Variants in NLGN4X observed in about 807,000 individuals in gnomAD.
The protein encoded by NLGN4X is neuroligin 4 X-linked, also known as neuroligin-4, X-linked.
Under a neutral mutation model 40.3 loss-of-function variants are expected in NLGN4X, and 3 were observed. The observed-to-expected ratio is 0.07, with a 90% CI of 0.03 to 0.19. The LOEUF is 0.19. Ranked by LOEUF, NLGN4X falls within the 10% of genes least tolerant of loss-of-function variation. The pLI is 1.00. For missense variants in NLGN4X, 382 were observed against 708.3 expected (o/e 0.54, Z 5.23); for synonymous variants, 270 against 306.8 (o/e 0.88, Z 1.25).
chrX:5,923,772 C>T (rs765889993), intron 3 of NLGN4X, among the ~76,000 whole-genome samples: 5 of 111,717 alleles, frequency 4.5e-5, no homozygotes, highest in Non-Finnish European at 9.4e-5. Context: ...ATGTCAGCCA[C>T]CATGCCAGCC....
chrX:5,961,924 G>A (rs909548541), intron 3 of NLGN4X, among the ~76,000 whole-genome samples: 1 of 112,048 alleles, frequency 8.9e-6, no homozygotes, highest in Non-Finnish European at 1.9e-5. Flanking sequence ...GCATGTAAGA[G>A]GACATCTCTC....
chrX:6,171,828 T>C (rs112173252), intron 1 of NLGN4X, among the ~76,000 whole-genome samples: 509 of 111,553 alleles, frequency 4.6e-3, no homozygotes, highest in Non-Finnish European at 6.6e-3. Flanking sequence ...ATCCCCAGTG[T>C]TGGAGATGGG....
intron 1 of NLGN4X, among the ~76,000 whole-genome samples, chrX:6,188,865 A>G (rs1336392488): frequency 8.9e-6 from 1 of 112,532 alleles, no homozygotes; most frequent in Non-Finnish European, 1.9e-5. Context: ...GATTATCATG[A>G]AAATCCATTG....
chrX:6,212,153 G>A (rs1924663383), intron 1 of NLGN4X, among the ~76,000 whole-genome samples: 1 of 109,516 alleles, frequency 9.1e-6, no homozygotes, highest in Admixed American at 9.8e-5. Flanking sequence ...GGCTGAGACA[G>A]GAGAATGGCT....
At chrX:6,009,613 C>T (rs766037989) in intron 3 of NLGN4X, among the ~76,000 whole-genome samples, 14 of 112,144 alleles carry the variant, frequency 1.2e-4, no homozygotes, top group Admixed American at 3.8e-4. Flanking sequence ...GCTGACATTT[C>T]GGTGGGTGGG....
intron 2 of NLGN4X, among the ~76,000 whole-genome samples, chrX:6,104,044 C>T (rs181287530): frequency 2.7e-5 from 3 of 111,471 alleles, no homozygotes; most frequent in African/African-American, 9.8e-5. Flanking sequence ...TATGTGTGTG[C>T]ACATATAGGT....
intron 2 of NLGN4X, among the ~76,000 whole-genome samples, chrX:6,122,745 G>A (rs1459181813): frequency 3.7e-5 from 4 of 108,372 alleles, no homozygotes; most frequent in Non-Finnish European, 7.6e-5. Flanking sequence ...TCCCTCCAAT[G>A]GACAGAGAGA....
intron 3 of NLGN4X, among the ~76,000 whole-genome samples, chrX:5,917,836 C>A (rs1385902503): frequency 8.9e-6 from 1 of 112,145 alleles, no homozygotes; most frequent in Non-Finnish European, 1.9e-5. Flanking sequence ...TAAAATTATA[C>A]AGATGGTAAA....
intron 1 of NLGN4X, among the ~76,000 whole-genome samples, chrX:6,170,817 G>T (rs1458759189): frequency 9.0e-6 from 1 of 110,981 alleles, no homozygotes; most frequent in Admixed American, 9.6e-5. Context: ...CACTCTATTT[G>T]CCCCTTCTGC....
intron 3 of NLGN4X, among the ~76,000 whole-genome samples, chrX:5,971,018 G>A (rs901053949): frequency 2.7e-5 from 3 of 111,428 alleles, no homozygotes; most frequent in African/African-American, 9.8e-5. Flanking sequence ...AGAATCCGCT[G>A]TTCCCTGAGG....
intron 3 of NLGN4X, among the ~76,000 whole-genome samples, chrX:5,985,760 A>G (rs1437755178): frequency 1.8e-5 from 2 of 111,966 alleles, no homozygotes; most frequent in Non-Finnish European, 3.8e-5. Context: ...TGTAGAAAAG[A>G]CTCAAAACCT....
chrX:6,219,149 ATG>A (rs764532558), intron 1 of NLGN4X, among the ~76,000 whole-genome samples: 2 of 87,306 alleles, frequency 2.3e-5, no homozygotes, highest in Admixed American at 1.4e-4. Flanking sequence ...ATATATATGT[ATG>A]TGTGTGTGTG....
intron 3 of NLGN4X, among the ~76,000 whole-genome samples, chrX:5,976,014 A>G (rs1377177851): frequency 9.0e-6 from 1 of 111,468 alleles, no homozygotes; most frequent in Non-Finnish European, 1.9e-5. Flanking sequence ...CTCCTTATTG[A>G]GCCTACAACT....
At chrX:6,010,596 T>C (rs1225701176) in intron 3 of NLGN4X, among the ~76,000 whole-genome samples, 1 of 106,707 alleles carries the variant, frequency 9.4e-6, no homozygotes, top group Non-Finnish European at 1.9e-5. Flanking sequence ...TGGTACAATC[T>C]CAGCTCATTA....
rs1340721762 is a variant in NLGN4X at position 6,029,444 on chromosome X, A to C, written c.473-12T>G. 1 of 1,204,068 alleles carries C rather than the reference A, an allele frequency of 8.3e-7. No homozygotes were observed. Among genetic ancestry groups the C allele is most frequent in the Non-Finnish European group, 1.1e-6 (1 of 890,390 alleles). Reference sequence around the variant, plus strand: ...CTGATCATGAATATCTGGAAAAAAAAGCCAAGTAAGGAAACACAATAAAGA... The same window carrying C: ...CTGATCATGAATATCTGGAAAAAAACGCCAAGTAAGGAAACACAATAAAGA... On this transcript the variant is annotated splice_polypyrimidine_tract_variant and intron_variant, in intron 2 of 5. Coordinates refer to ENST00000381095, the MANE Select transcript of NLGN4X (RefSeq NM_181332.3).
chrX:6,200,983 A>G (rs1475234153), intron 1 of NLGN4X, among the ~76,000 whole-genome samples: 1 of 110,825 alleles, frequency 9.0e-6, no homozygotes, highest in African/African-American at 3.3e-5. Context: ...TACAGGCATG[A>G]GCCACAGTGC....
intron 1 of NLGN4X, among the ~76,000 whole-genome samples, chrX:6,191,727 T>C (rs1922556164): frequency 9.0e-6 from 1 of 110,580 alleles, no homozygotes; most frequent in Non-Finnish European, 1.9e-5. Context: ...AGCGTTGCAG[T>C]GGGTGCCTGT....
At chrX:5,963,223 T>A (rs773540738) in intron 3 of NLGN4X, among the ~76,000 whole-genome samples, 5 of 110,811 alleles carry the variant, frequency 4.5e-5, no homozygotes, top group African/African-American at 1.6e-4. Flanking sequence ...ATCTATGCAA[T>A]TTTGAACAGA....
At chrX:5,976,592 C>T (rs751441818) in intron 3 of NLGN4X, among the ~76,000 whole-genome samples, 4 of 111,935 alleles carry the variant, frequency 3.6e-5, no homozygotes, top group Non-Finnish European at 7.5e-5. Context: ...GTGTTGGTCT[C>T]AAAAAATGAA....
Sources: allele counts gnomAD v4.1 joint callset (sites outside exome capture counted in the v4.1 genomes callset), GRCh38; gene constraint gnomAD v4.1.1; transcripts MANE v1.5; gene names NCBI Gene and HGNC (gene_info 2026-07-23, HGNC 2026-07-21).